The following SCARA5 variants were observed in gnomAD, a reference collection of about 807,000 sequenced individuals.
The protein encoded by SCARA5 is scavenger receptor class A, member 5 (putative).
Under a neutral mutation model 46.3 loss-of-function variants are expected in SCARA5, and 45 were observed. That is an observed-to-expected ratio of 0.97 (90% confidence interval 0.76 to 1.24). The LOEUF (loss-of-function observed/expected upper bound fraction) is 1.24. Among genes scored for constraint, SCARA5 ranks in the 50% most tolerant of loss-of-function variants. The pLI is 0.00. For synonymous variants in SCARA5, 333 were observed against 306.5 expected, an observed-to-expected ratio of 1.09 and a Z score of -0.90; for missense variants, 680 against 689.0, an observed-to-expected ratio of 0.99 and a Z score of 0.15.
intron 4 of SCARA5, among the ~76,000 whole-genome samples, chr8:27,919,241 G>GAGGAGGAAGAGACGGAGGAGGAC (rs1563525804): frequency 7.1e-6 from 1 of 140,052 alleles, no homozygotes; most frequent in African/African-American, 2.7e-5. Context: ...AGGAAGAGAC[G>GAGGAGGAAGAGACGGAGGAGGAC]GAGGAGGAAG....
At chr8:27,928,641 T>C (rs2129835101) in intron 3 of SCARA5, among the ~76,000 whole-genome samples, 1 of 152,166 alleles carries the variant, frequency 6.6e-6, no homozygotes, top group Admixed American at 6.6e-5. Context: ...TGTCTGTCTT[T>C]CTTTCTCTTT....
At position 27,921,853 on chromosome 8, in the gene SCARA5, T is replaced by C; in HGVS notation, c.634A>G (p.Arg212Gly). 1.0e-5 allele frequency: 16 copies of C among 1,527,570 alleles called. No homozygotes were observed. The highest frequency in any genetic ancestry group is 1.4e-5 in the Non-Finnish European group (16 of 1,144,364). 94.6% of individuals were successfully genotyped at this position (1,527,570 alleles called of 1,614,324 possible). Reference protein sequence around the residue: ...HAGLLDGLARRVGILGEELAD... With the variant: ...HAGLLDGLARGVGILGEELAD... ...AGCTCCTCGCCCAGGATGCCCACCC[T>C]GCGCGCCAGCCCGTCCAGCAGGCCC... The change falls in exon 4 of 9, where the codon AGG (arginine) becomes GGG (glycine). Residue 212 changes from arginine (R) to glycine (G), a missense_variant. Transcript: ENST00000354914.
At chr8:27,922,623 C>T (rs1807617464) in intron 3 of SCARA5, among the ~76,000 whole-genome samples, 1 of 152,202 alleles carries the variant, frequency 6.6e-6, no homozygotes, top group Admixed American at 6.5e-5. Flanking sequence ...TAGGAAACTG[C>T]CAGTTGCGAA....
At chr8:27,951,255 G>A (rs1808122051) in intron 3 of SCARA5, among the ~76,000 whole-genome samples, 1 of 152,216 alleles carries the variant, frequency 6.6e-6, no homozygotes, top group African/African-American at 2.4e-5. Flanking sequence ...CAGAAAACCG[G>A]TATCAATGCC....
At chr8:27,915,250 A>G (rs1032193766) in intron 4 of SCARA5, among the ~76,000 whole-genome samples, 1 of 152,186 alleles carries the variant, frequency 6.6e-6, no homozygotes, top group Non-Finnish European at 1.5e-5. Context: ...AGGCACTGTC[A>G]GCCCCATTTC....
chr8:27,933,421 C>T (rs1807808243), intron 3 of SCARA5, among the ~76,000 whole-genome samples: 1 of 150,838 alleles, frequency 6.6e-6, no homozygotes, highest in African/African-American at 2.4e-5. Context: ...ACTCAGGAGG[C>T]TGAGGCAGGA....
At chr8:27,874,549 C>T (rs1336905309) in intron 8 of SCARA5, among the ~76,000 whole-genome samples, 1 of 152,246 alleles carries the variant, frequency 6.6e-6, no homozygotes, top group African/African-American at 2.4e-5. Context: ...TTTCCTACTC[C>T]AACTGCAGAA....
At chr8:27,882,880 T>A (rs1032191873) in intron 7 of SCARA5, among the ~76,000 whole-genome samples, 1 of 152,240 alleles carries the variant, frequency 6.6e-6, no homozygotes, top group African/African-American at 2.4e-5. Flanking sequence ...GAATAGCACC[T>A]GGCACATAAT....
intron 7 of SCARA5, among the ~76,000 whole-genome samples, chr8:27,902,902 T>C (rs1807180704): frequency 6.6e-6 from 1 of 152,144 alleles, no homozygotes; most frequent in South Asian, 2.1e-4. Flanking sequence ...GATGGCCTTG[T>C]GGACTTTAGC....
intron 2 of SCARA5, among the ~76,000 whole-genome samples, chr8:27,975,017 C>T (rs974414117): frequency 1.3e-5 from 2 of 152,072 alleles, no homozygotes. Context: ...ACCCCTAGAT[C>T]GCCTCAGGAT....
At chr8:27,937,848 G>A (rs561514248) in intron 3 of SCARA5, among the ~76,000 whole-genome samples, 1 of 152,128 alleles carries the variant, frequency 6.6e-6, no homozygotes, top group East Asian at 1.9e-4. Flanking sequence ...CTTCCTATAA[G>A]GACACTGGTC....
intron 7 of SCARA5, 151 bp downstream of exon 7, chr8:27,904,627 G>C (rs572880681): frequency 1.2e-4 from 93 of 765,894 alleles, no homozygotes; most frequent in Admixed American, 5.6e-4. Flanking sequence ...TGCTAGACCA[G>C]CAGAGCCCTA....
Position 27,871,843 on chromosome 8 carries a change from G to C in SCARA5, c.*91C>G, listed in dbSNP as rs1232383988. ...GAATGCTGGACGGGGTGTGGTCGAG[G>C]CATGGTCAGGGTGGCCCCGAGCTGT... On this transcript the variant is annotated 3_prime_UTR_variant, in exon 9 of 9. Transcript: ENST00000354914. The C allele has an allele frequency of 6.3e-7, 1 of 1,592,100 alleles. No individual in the cohort carries two copies. The highest frequency in any genetic ancestry group is 1.3e-5 in the African/African-American group (1 of 74,664).
At position 27,908,095 on chromosome 8, in the gene SCARA5, C is replaced by G. The variant is rs117288091; in HGVS notation, c.998-849G>C. On this transcript the variant is annotated intron_variant, in intron 5 of 8. Coordinates refer to ENST00000354914, the MANE Select transcript of SCARA5 (RefSeq NM_173833.6). ...CCCTGCTGTTGCTGAAATGAGAGTT[C>G]ATGGTCGGTCAGCATCGCTTCATGC... is the stretch of plus-strand genomic sequence containing the variant. Among the ~76,000 whole-genome samples, 163 of 145,578 alleles carry G rather than the reference C, an allele frequency of 1.1e-3. 3 individuals carry two copies. The East Asian group carries it at 0.027, about 24-fold the overall frequency.
At position 27,879,735 on chromosome 8, in the gene SCARA5, C is replaced by A; in HGVS notation, c.1185G>T (p.Leu395=). 1 of 1,613,152 alleles carries A rather than the reference C, an allele frequency of 6.2e-7. No homozygotes were observed. The highest frequency in any genetic ancestry group is 8.5e-7 in the Non-Finnish European group (1 of 1,180,022). The change falls in exon 8 of 9, where the codon CTG becomes CTT. Residue 395 remains leucine, a synonymous_variant. Transcript: ENST00000354914. ...SGVEAPMMIR[L]VNGSGPHEGR... ...CCTCGTGCGGACCTGAGCCATTCACCAGGCGGATCATCATCGGGGCCTCCA... is the reference window on the plus strand; with the variant it reads ...CCTCGTGCGGACCTGAGCCATTCACAAGGCGGATCATCATCGGGGCCTCCA...
In SCARA5 at chr8:27,990,746, G is replaced by T. The variant is rs574578252; in HGVS notation, c.-16+1511C>A. Among the ~76,000 whole-genome samples, 6 of 152,328 alleles carry T rather than the reference G, an allele frequency of 3.9e-5. No homozygotes were observed. The East Asian group carries it at 9.6e-4, about 24-fold the overall frequency. The stretch of plus-strand genomic sequence containing the variant: ...GTGTACTCCAGCAGGTGGGGATCCT[G>T]GGACTGAGGCAGGGCTCTGAGAGCT... On this transcript the variant is annotated intron_variant, in intron 1 of 8. Coordinates refer to ENST00000354914, the MANE Select transcript of SCARA5 (RefSeq NM_173833.6).
At chr8:27,976,854 G>A (rs1031213138) in intron 2 of SCARA5, among the ~76,000 whole-genome samples, 5 of 152,090 alleles carry the variant, frequency 3.3e-5, no homozygotes, top group Admixed American at 6.5e-5. Context: ...GGTGCTCCTC[G>A]AAAAACTCCT....
intron 7 of SCARA5, among the ~76,000 whole-genome samples, chr8:27,884,889 C>T (rs1465335694): frequency 6.6e-6 from 1 of 152,096 alleles, no homozygotes; most frequent in Non-Finnish European, 1.5e-5. Context: ...TAGATGGGAA[C>T]AGAAGCACAG....
rs570006512 is a variant in SCARA5, at chr8:27,882,776, A to T, written c.1154-3010T>A. ...AAAAATCTCTGCTGGGTAGGTGGCA[A>T]ATTATATCAAGTGCCAGGTGCTTCC... On this transcript the variant is annotated intron_variant, in intron 7 of 8. Transcript: ENST00000354914. 5.3e-5 allele frequency among the ~76,000 whole-genome samples: 8 copies of T among 152,358 alleles called. 1 individual carries two copies. In the South Asian group the frequency reaches 1.7e-3, roughly 32 times the overall value.
Sources: allele counts gnomAD v4.1 joint callset (sites outside exome capture counted in the v4.1 genomes callset), GRCh38; gene constraint gnomAD v4.1.1; transcripts MANE v1.5; gene names NCBI Gene and HGNC (gene_info 2026-07-23, HGNC 2026-07-21).